Variants in PPP1R13L observed in about 807,000 individuals in gnomAD.
PPP1R13L encodes the protein protein phosphatase 1 regulatory subunit 13 like.
PPP1R13L carries 50 observed loss-of-function variants against 80.9 expected under a neutral mutation model. That is an observed-to-expected ratio of 0.62 (90% CI 0.49 to 0.78). The LOEUF (loss-of-function observed/expected upper bound fraction) is 0.78. Among genes scored for constraint, PPP1R13L ranks in the 30% least tolerant of loss-of-function variants. The pLI, the probability that PPP1R13L is intolerant of heterozygous loss-of-function variation, is 0.00. For missense variants in PPP1R13L, 1,200 were observed against 1,205.9 expected, an observed-to-expected ratio of 1.00 and a Z score of 0.07; for synonymous variants, 602 against 534.3, an observed-to-expected ratio of 1.13 and a Z score of -1.75.
At chr19:45,404,135 T>C (rs1204503180) in intron 1 of PPP1R13L, among the ~76,000 whole-genome samples, 2 of 152,178 alleles carry the variant, frequency 1.3e-5, no homozygotes. Flanking sequence ...CAAACTCTAC[T>C]GCCTGTGTGA....
chr19:45,391,738 C>G, intron 8 of PPP1R13L, 142 bp downstream of exon 8: 1 of 574,536 alleles, frequency 1.7e-6, no homozygotes, highest in East Asian at 3.3e-5. Flanking sequence ...TGCCTACAGT[C>G]CTGGGCTGCA....
chr19:45,381,949 A>C (rs1165703859), intron 12 of PPP1R13L, among the ~76,000 whole-genome samples: 2 of 142,716 alleles, frequency 1.4e-5, no homozygotes, highest in African/African-American at 2.6e-5. Flanking sequence ...CAAATAAATA[A>C]ATACAAATTG....
chr19:45,379,704 T>G lies in PPP1R13L; in HGVS notation c.*486A>C, dbSNP rs6966. Reference sequence around the variant, plus strand: ...ATTTTGTTTATAAACATTAAACCAGTGCTGTGTGAAGGCACTTAATTGGGG... The same window carrying G: ...ATTTTGTTTATAAACATTAAACCAGGGCTGTGTGAAGGCACTTAATTGGGG... On this transcript the variant is annotated 3_prime_UTR_variant, in exon 13 of 13. Transcript: ENST00000360957. 2 of 156,164 alleles carry G rather than the reference T, an allele frequency of 1.3e-5. No homozygotes were observed. Among genetic ancestry groups the G allele is most frequent in the African/African-American group, 4.8e-5 (2 of 41,466 alleles). The allele number at this position is 156,164 out of a possible 1,614,324, so 9.7% of individuals were successfully genotyped here.
rs780596288 is a variant in PPP1R13L, at chr19:45,385,961, A to T, written c.1948-4T>A. ...TGGGCTGGCTCGGGTCGTTCATCTG[A>T]GTGCACCGGGGGAGGGGGAAGACTC... On this transcript the variant is annotated splice_region_variant and splice_polypyrimidine_tract_variant and intron_variant, in intron 9 of 12. Coordinates refer to ENST00000360957, the MANE Select transcript of PPP1R13L (RefSeq NM_006663.4). The T allele has an allele frequency of 2.6e-5, 42 of 1,607,258 alleles. 2 individuals are homozygous for T. The South Asian group carries it at 4.5e-4, about 17-fold the overall frequency.
Position 45,392,324 on chromosome 19 carries a change from G to GT in PPP1R13L, c.1370_1371insA (p.Thr458HisfsTer6). 1 of 1,613,220 alleles carries GT rather than the reference G, an allele frequency of 6.2e-7. No individual in the cohort carries two copies. Among genetic ancestry groups the GT allele is most frequent in the Non-Finnish European group, 8.5e-7 (1 of 1,179,998 alleles). On this transcript the variant is annotated frameshift_variant, in exon 8 of 13. Transcript: ENST00000360957. LOFTEE classifies it high-confidence loss of function. Reference sequence around the variant, plus strand: ...TCTCCGGCTCAGGCTCCAGCTCGGTGGGGGGTTTGGGGGGTCCTAGCCGGA... The same window carrying GT: ...TCTCCGGCTCAGGCTCCAGCTCGGTGTGGGGGTTTGGGGGGTCCTAGCCGGA...
rs1301505496 is a variant in PPP1R13L at position 45,395,680 on chromosome 19, G to T, written c.1110C>A (p.Ile370=). ...QPRGAPRQRP[I]PLSMIFKLQN... ...GCAGCTTGAAGATCATGCTGAGGGG[G>T]ATGGGACGCTGGCGCGGGGCCCCGC... The change falls in exon 7 of 13, where the codon ATC becomes ATA. Residue 370 remains isoleucine (I), a synonymous_variant. Transcript: ENST00000360957. 6.9e-7 allele frequency: 1 copy of T among 1,456,746 alleles called. No homozygotes were observed. The allele number at this position is 1,456,746 out of a possible 1,614,324, so 90.2% of individuals were successfully genotyped here. A position where few individuals can be genotyped will look rare whatever the true frequency, so the allele number is the denominator to read the frequency against.
At position 45,396,258 on chromosome 19, in the gene PPP1R13L, G is replaced by A. The variant is rs754561277; in HGVS notation, c.813C>T (p.Arg271=). ...KKPSQTASYE[R]LDVFARPASP... is the part of the protein sequence containing the mutation. The stretch of plus-strand genomic sequence containing the variant: ...AGGCAGGCCTTGCGAAGACGTCCAG[G>A]CCTGCGGGGCGGGAATCATTAGGGT... Residue 271 remains arginine, a splice_region_variant and synonymous_variant, in exon 6 of 13, where the codon CGC becomes CGT. Transcript: ENST00000360957. The surrounding 1 kb of genome is among the most constrained non-coding windows in gnomAD (Gnocchi z 5.3). 5.6e-6 allele frequency: 9 copies of A among 1,611,944 alleles called. No homozygotes were observed. The highest frequency in any genetic ancestry group is 7.6e-6 in the Non-Finnish European group (9 of 1,179,738).
At chr19:45,389,816 G>C (rs1434327769) in intron 8 of PPP1R13L, among the ~76,000 whole-genome samples, 2 of 151,540 alleles carry the variant, frequency 1.3e-5, no homozygotes, top group African/African-American at 2.4e-5. Context: ...TTTTTTTTGA[G>C]ACGGAATCTT....
intron 1 of PPP1R13L, among the ~76,000 whole-genome samples, chr19:45,402,890 G>A (rs1203327709): frequency 6.6e-6 from 1 of 152,184 alleles, no homozygotes; most frequent in Non-Finnish European, 1.5e-5. Context: ...GTCATCTTCA[G>A]TAGGAACCGG....
rs928023035 is a variant in PPP1R13L, at chr19:45,385,946, C to G, written c.1959G>C (p.Pro653=). 3.7e-6 allele frequency: 6 copies of G among 1,611,328 alleles called. No homozygotes were observed. In the South Asian group the frequency reaches 6.6e-5, roughly 18 times the overall value. ...TGATGCCCTCCTCGTTGGGCTGGCT[C>G]GGGTCGTTCATCTGAGTGCACCGGG... is the stretch of plus-strand genomic sequence containing the variant. ...VQQAVKEMND[P]SQPNEEGITA... Residue 653 remains proline (P), a synonymous_variant, in exon 10 of 13, where the codon CCG becomes CCC. Transcript: ENST00000360957.
chr19:45,402,573 G>A (rs752242435), intron 1 of PPP1R13L, among the ~76,000 whole-genome samples: 45 of 152,322 alleles, frequency 3.0e-4, no homozygotes, highest in Non-Finnish European at 1.2e-4. Context: ...TGCGCAGCGG[G>A]CCCGGGCAGG....
At position 45,396,056 on chromosome 19, in the gene PPP1R13L, G is replaced by A. The variant is rs1345682930; in HGVS notation, c.903+112C>T. 28 of 1,340,708 alleles carry A rather than the reference G, an allele frequency of 2.1e-5. No individual in the cohort carries two copies. The East Asian group carries it at 5.0e-4, about 24-fold the overall frequency. The allele number at this position is 1,340,708 out of a possible 1,614,324, so 83.1% of individuals were successfully genotyped here. On this transcript the variant is annotated intron_variant, in intron 6 of 12. Coordinates refer to ENST00000360957, the MANE Select transcript of PPP1R13L (RefSeq NM_006663.4). The surrounding 1 kb of genome is among the most constrained non-coding windows in gnomAD (Gnocchi z 5.3). Reference sequence around the variant, plus strand: ...CACAGTGAAGGGAGAGCGTGGGAACGGGCGCCGAGACCCAGATCGCAGCCC... The same window carrying A: ...CACAGTGAAGGGAGAGCGTGGGAACAGGCGCCGAGACCCAGATCGCAGCCC...
intron 1 of PPP1R13L, among the ~76,000 whole-genome samples, chr19:45,400,457 G>A (rs1568563477): frequency 6.6e-6 from 1 of 151,898 alleles, no homozygotes; most frequent in African/African-American, 2.4e-5. Context: ...GCTGATACCC[G>A]CCTCTGTCTG....
In PPP1R13L at chr19:45,398,155, G is replaced by T. The variant is rs745805476; in HGVS notation, c.56-8C>A. ...TGTGTTTCATGGCCAGCGCTGGGAAGGTGGGAGTGGAGGTAAGGACCTGGC... is the reference window on the plus strand; with the variant it reads ...TGTGTTTCATGGCCAGCGCTGGGAATGTGGGAGTGGAGGTAAGGACCTGGC... On this transcript the variant is annotated splice_region_variant and splice_polypyrimidine_tract_variant and intron_variant, in intron 2 of 12. Transcript: ENST00000360957. The T allele has an allele frequency of 3.7e-6, 6 of 1,613,606 alleles. No homozygotes were observed. Among genetic ancestry groups the T allele is most frequent in the Non-Finnish European group, 5.1e-6 (6 of 1,179,568 alleles).
At chr19:45,382,067 C>T (rs1440635635) in intron 12 of PPP1R13L, among the ~76,000 whole-genome samples, 1 of 151,576 alleles carries the variant, frequency 6.6e-6, no homozygotes, top group Non-Finnish European at 1.5e-5. Context: ...ATGGTGAAAC[C>T]CCGTCTCTAC....
chr19:45,397,374 C>T (rs1255805114), intron 3 of PPP1R13L, among the ~76,000 whole-genome samples: 1 of 151,156 alleles, frequency 6.6e-6, no homozygotes, highest in Non-Finnish European at 1.5e-5. Context: ...CTTTCTCTCT[C>T]TTTCTTTTCT....
Position 45,385,847 on chromosome 19 carries a change from G to A in PPP1R13L, c.2058C>T (p.Val686=), listed in dbSNP as rs989284681. 1.2e-6 allele frequency: 2 copies of A among 1,611,120 alleles called. No homozygotes were observed. The highest frequency in any genetic ancestry group is 1.3e-5 in the African/African-American group (1 of 74,916). The change falls in exon 10 of 13, where the codon GTC becomes GTT. Residue 686 remains valine (V), a synonymous_variant. Coordinates refer to ENST00000360957, the MANE Select transcript of PPP1R13L (RefSeq NM_006663.4). ...VDFLITAGAN[V]NSPDSHGWTP... The stretch of plus-strand genomic sequence containing the variant: ...ACCAGCCGTGGCTGTCGGGGGAGTT[G>A]ACATTGGCACCCGCGGTGATGAGGA...
rs1973066913 is a variant in PPP1R13L, at chr19:45,395,566, G to T, written c.1224C>A (p.Pro408=). The T allele has an allele frequency of 4.0e-6, 6 of 1,483,282 alleles. No individual in the cohort carries two copies. The highest frequency in any genetic ancestry group is 5.4e-6 in the Non-Finnish European group (6 of 1,118,670). The allele number at this position is 1,483,282 out of a possible 1,614,324, so 91.9% of individuals were successfully genotyped here. Reference sequence around the variant, plus strand: ...GTGGCTGGGGCTGTGGTTGTGGTTGGGGCTGCAGCTTAGGCGGGGGTGCTC... The same window carrying T: ...GTGGCTGGGGCTGTGGTTGTGGTTGTGGCTGCAGCTTAGGCGGGGGTGCTC... The part of the protein sequence containing the change: ...FTRAPPPKLQ[P]QPQPQPQPQS... Residue 408 remains proline (P), a synonymous_variant, in exon 7 of 13, where the codon CCC becomes CCA. Coordinates refer to ENST00000360957, the MANE Select transcript of PPP1R13L (RefSeq NM_006663.4).
At chr19:45,387,648 G>A (rs983553643) in intron 8 of PPP1R13L, among the ~76,000 whole-genome samples, 13 of 152,052 alleles carry the variant, frequency 8.5e-5, no homozygotes, top group Admixed American at 6.6e-5. Flanking sequence ...TCCGCCTCCC[G>A]GGTTCAGGCC....
Sources: allele counts gnomAD v4.1 joint callset (sites outside exome capture counted in the v4.1 genomes callset), GRCh38; gene constraint gnomAD v4.1.1; non-coding constraint Gnocchi (gnomAD v3.1); transcripts MANE v1.5; gene names NCBI Gene and HGNC (gene_info 2026-07-23, HGNC 2026-07-21).